GNAQ: variants seen among roughly 807,000 people sequenced by gnomAD.
GNAQ encodes guanine nucleotide-binding protein G(q) subunit alpha.
A neutral mutation model predicts 43.9 loss-of-function variants in GNAQ; 8 were observed. That is an observed-to-expected ratio of 0.18 (90% CI 0.11 to 0.33). The LOEUF (loss-of-function observed/expected upper bound fraction) is 0.33, where lower values mean the gene tolerates loss of function less well. Ranked by LOEUF, GNAQ falls within the 10% of genes least tolerant of loss-of-function variation. The probability of loss-of-function intolerance (pLI) is 1.00; values close to 1 mark genes in which losing one functional copy is unlikely to be tolerated. For missense variants in GNAQ, 158 were observed against 450.8 expected, an observed-to-expected ratio of 0.35 and a Z score of 5.88; for synonymous variants, 155 against 170.7, an observed-to-expected ratio of 0.91 and a Z score of 0.71.
intron 1 of GNAQ, among the ~76,000 whole-genome samples, chr9:78,011,456 A>C (rs1823771706): frequency 6.6e-6 from 1 of 152,240 alleles, no homozygotes; most frequent in Non-Finnish European, 1.5e-5. Flanking sequence ...GAATGCTTTG[A>C]AAGGTTTACT....
At chr9:77,721,896 C>T (rs565725665) in intron 6 of GNAQ, among the ~76,000 whole-genome samples, 1 of 152,118 alleles carries the variant, frequency 6.6e-6, no homozygotes, top group African/African-American at 2.4e-5. Context: ...TAAGTGTGCA[C>T]AAAGATACAG....
intron 2 of GNAQ, among the ~76,000 whole-genome samples, chr9:77,908,915 G>A (rs984011085): frequency 1.3e-5 from 2 of 152,148 alleles, no homozygotes; most frequent in Non-Finnish European, 2.9e-5. Context: ...ATTCAAGTTC[G>A]AGAAGCAATA....
At chr9:77,854,030 T>G (rs1827714688) in intron 2 of GNAQ, among the ~76,000 whole-genome samples, 1 of 152,162 alleles carries the variant, frequency 6.6e-6, no homozygotes, top group Non-Finnish European at 1.5e-5. Flanking sequence ...GAAGAACCTC[T>G]GATTTTTATC....
At chr9:77,747,388 CCT>C in intron 5 of GNAQ, among the ~76,000 whole-genome samples, 1 of 152,010 alleles carries the variant, frequency 6.6e-6, no homozygotes, top group South Asian at 2.1e-4. Flanking sequence ...TCCTGAATAC[CCT>C]GTTATGAAGA....
intron 5 of GNAQ, among the ~76,000 whole-genome samples, chr9:77,737,012 C>G (rs1185133231): frequency 4.6e-5 from 7 of 152,200 alleles, no homozygotes; most frequent in Non-Finnish European, 8.8e-5. Flanking sequence ...CGAAGTCTAT[C>G]CTTAACTTAC....
chr9:77,784,686 T>C (rs1244055053), intron 5 of GNAQ, among the ~76,000 whole-genome samples: 4 of 152,196 alleles, frequency 2.6e-5, no homozygotes, highest in Non-Finnish European at 5.9e-5. Context: ...AGGCAAGTCA[T>C]GAAGCAGCAG....
chr9:77,878,225 GTT>G (rs373943232), intron 2 of GNAQ, among the ~76,000 whole-genome samples: 26 of 126,204 alleles, frequency 2.1e-4, no homozygotes, highest in Non-Finnish European at 1.9e-4. Context: ...GGTATTTGGT[GTT>G]TTTTTTTTTT....
chr9:77,826,453 T>C (rs1827199621), intron 2 of GNAQ, among the ~76,000 whole-genome samples: 1 of 152,206 alleles, frequency 6.6e-6, no homozygotes, highest in Admixed American at 6.5e-5. Context: ...ACCTGGGATC[T>C]TCTGATGTTC....
At chr9:77,843,002 G>A (rs574203784) in intron 2 of GNAQ, among the ~76,000 whole-genome samples, 9 of 152,288 alleles carry the variant, frequency 5.9e-5, no homozygotes, top group Admixed American at 3.9e-4. Flanking sequence ...TCTGCAGAAA[G>A]AAATATATAG....
intron 1 of GNAQ, among the ~76,000 whole-genome samples, chr9:77,962,802 G>T (rs1369206911): frequency 6.9e-6 from 1 of 145,320 alleles, no homozygotes; most frequent in Non-Finnish European, 1.5e-5. Flanking sequence ...TGAGGCAAGA[G>T]AATTGCTTGA....
At chr9:77,930,556 AAAAGGCTCAAAC>A (rs1361683204) in intron 1 of GNAQ, among the ~76,000 whole-genome samples, 8 of 152,200 alleles carry the variant, frequency 5.3e-5, no homozygotes, top group Non-Finnish European at 1.2e-4. Context: ...TATGTCTTTA[AAAAGGCTCAAAC>A]ATATATATTT....
intron 5 of GNAQ, among the ~76,000 whole-genome samples, chr9:77,779,337 G>C (rs1326001080): frequency 2.0e-5 from 3 of 151,798 alleles, no homozygotes; most frequent in Non-Finnish European, 2.9e-5. Context: ...AGTCAAAGAA[G>C]TTAAGAAGTG....
At chr9:77,724,184 C>T (rs1440161650) in intron 6 of GNAQ, among the ~76,000 whole-genome samples, 2 of 151,912 alleles carry the variant, frequency 1.3e-5, no homozygotes, top group East Asian at 3.9e-4. Context: ...CTATACCAAG[C>T]AATAAGAAAC....
chr9:77,898,459 T>A (rs1828539223), intron 2 of GNAQ, among the ~76,000 whole-genome samples: 1 of 152,228 alleles, frequency 6.6e-6, no homozygotes. Context: ...CTGCACTGTA[T>A]TATAAATTGC....
chr9:77,765,139 G>A (rs1826114358), intron 5 of GNAQ, among the ~76,000 whole-genome samples: 1 of 151,936 alleles, frequency 6.6e-6, no homozygotes, highest in Non-Finnish European at 1.5e-5. Context: ...TCAGTTTACA[G>A]AAGTGCTGTA....
chr9:77,916,692 C>T (rs1828912097), intron 2 of GNAQ, among the ~76,000 whole-genome samples: 1 of 151,964 alleles, frequency 6.6e-6, no homozygotes, highest in African/African-American at 2.4e-5. Flanking sequence ...TTGTCAGAGA[C>T]AGCTGCAGCC....
intron 2 of GNAQ, among the ~76,000 whole-genome samples, chr9:77,886,297 T>G (rs1164005742): frequency 6.6e-6 from 1 of 151,656 alleles, no homozygotes; most frequent in Non-Finnish European, 1.5e-5. Context: ...ATTTGTAAAA[T>G]TAAACAAATC....
intron 2 of GNAQ, among the ~76,000 whole-genome samples, chr9:77,842,163 A>G (rs960656757): frequency 6.6e-6 from 1 of 152,246 alleles, no homozygotes; most frequent in East Asian, 1.9e-4. Flanking sequence ...AGCTGTCATC[A>G]GAGCTACAAC....
chr9:77,752,391 G>A (rs1424966875), intron 5 of GNAQ, among the ~76,000 whole-genome samples: 4 of 152,114 alleles, frequency 2.6e-5, no homozygotes, highest in Admixed American at 1.3e-4. Flanking sequence ...TCTTGTTCAC[G>A]TGCTGCAATA....
Sources: allele counts gnomAD v4.1 joint callset (sites outside exome capture counted in the v4.1 genomes callset), GRCh38; gene constraint gnomAD v4.1.1; transcripts MANE v1.5; gene names NCBI Gene and HGNC (gene_info 2026-07-23, HGNC 2026-07-21).